PINX1: variants seen among roughly 807,000 people sequenced by gnomAD.
PINX1 encodes PIN2 (TERF1) interacting telomerase inhibitor 1, also known as PIN2/TERF1-interacting telomerase inhibitor 1.
A neutral mutation model predicts 25.4 loss-of-function variants in PINX1; 34 were observed. That is an observed-to-expected ratio of 1.34 (90% CI 1.02 to 1.78). The LOEUF is 1.78. Among genes scored for constraint, PINX1 ranks in the 40% most tolerant of loss-of-function variants. PINX1 has a pLI of 0.00. For missense variants in PINX1, 592 were observed against 404.9 expected (o/e 1.46, Z -3.97); for synonymous variants, 197 against 147.7 (o/e 1.33, Z -2.42).
chr8:10,834,222 G>A (rs960162466), intron 2 of PINX1: 3 of 156,002 alleles, frequency 1.9e-5, no homozygotes, highest in Admixed American at 1.9e-4. Context: ...ATAGCACTGT[G>A]GAGGCCAAGA....
chr8:10,789,800 C>G (rs926652642), intron 6 of PINX1, among the ~76,000 whole-genome samples: 6 of 152,194 alleles, frequency 3.9e-5, no homozygotes, highest in African/African-American at 1.4e-4. Context: ...ACACACACCT[C>G]CACGTGCCCA....
intron 6 of PINX1, among the ~76,000 whole-genome samples, chr8:10,768,722 A>T (rs1801134689): frequency 6.6e-6 from 1 of 152,096 alleles, no homozygotes. Context: ...TGAAAATCTG[A>T]CTCCTGCAGG....
At chr8:10,794,095 C>T (rs1206229566) in intron 6 of PINX1, among the ~76,000 whole-genome samples, 1 of 152,118 alleles carries the variant, frequency 6.6e-6, no homozygotes, top group Non-Finnish European at 1.5e-5. Context: ...AAGCAGGTGT[C>T]GTCACCAGAA....
At chr8:10,823,297 A>G (rs1371853660) in intron 5 of PINX1, among the ~76,000 whole-genome samples, 4 of 24,208 alleles carry the variant, frequency 1.7e-4, no homozygotes, top group Non-Finnish European at 3.5e-4. Flanking sequence ...CAAACTCTCA[A>G]AAGGATTAAG....
At chr8:10,826,579 T>C (rs1010970934) in intron 4 of PINX1, among the ~76,000 whole-genome samples, 6 of 152,116 alleles carry the variant, frequency 3.9e-5, no homozygotes, top group East Asian at 3.8e-4. Flanking sequence ...CATAGCAAAA[T>C]ACCAAAAATC....
Position 10,765,160 on chromosome 8 carries a change from CAG to C in PINX1, c.*239_*240del. The C allele has an allele frequency of 1.9e-6, 1 of 513,792 alleles. No individual in the cohort carries two copies. The highest frequency in any genetic ancestry group is 3.4e-5 in the South Asian group (1 of 29,410). 31.8% of individuals were successfully genotyped at this position (513,792 alleles called of 1,614,324 possible). A position where few individuals can be genotyped will look rare whatever the true frequency, so the allele number is the denominator to read the frequency against. ...AATTAAACTCTCTTGCTGAAGGGCTCAGAGTTTACAAAAAAATTTATTTGTGT... is the reference window on the plus strand; with the variant it reads ...AATTAAACTCTCTTGCTGAAGGGCTCAGTTTACAAAAAAATTTATTTGTGT... On this transcript the variant is annotated 3_prime_UTR_variant, in exon 7 of 7. Coordinates refer to ENST00000314787, the MANE Select transcript of PINX1 (RefSeq NM_017884.6).
Position 10,831,678 on chromosome 8 carries a change from C to T in PINX1, c.288G>A (p.Gly96=). The part of the protein sequence containing the change: ...QLLAELNTCH[G]QETTDSSDKK... ...TGATTTCCCTACCTGTGGTTTCCTGCCCATGGCAAGTGTTCAGTTCGGCCA... is the reference window on the plus strand; with the variant it reads ...TGATTTCCCTACCTGTGGTTTCCTGTCCATGGCAAGTGTTCAGTTCGGCCA... The change falls in exon 4 of 7, where the codon GGG becomes GGA. Residue 96 remains glycine, a synonymous_variant. Coordinates refer to ENST00000314787, the MANE Select transcript of PINX1 (RefSeq NM_017884.6). 1.3e-6 allele frequency: 2 copies of T among 1,599,020 alleles called. No homozygotes were observed. The highest frequency in any genetic ancestry group is 1.7e-6 in the Non-Finnish European group (2 of 1,169,652).
In PINX1 at chr8:10,839,643, G is replaced by C. The variant is rs1217245214; in HGVS notation, c.19+95C>G. Reference sequence around the variant, plus strand: ...CCCGATCCCATGCGCCAGGCGCGCCGGCAACCCGAGCTCCCAGCCACTCCG... The same window carrying C: ...CCCGATCCCATGCGCCAGGCGCGCCCGCAACCCGAGCTCCCAGCCACTCCG... On this transcript the variant is annotated intron_variant, in intron 1 of 6. Coordinates refer to ENST00000314787, the MANE Select transcript of PINX1 (RefSeq NM_017884.6). 4 of 1,316,190 alleles carry C rather than the reference G, an allele frequency of 3.0e-6. No individual in the cohort carries two copies. In the East Asian group the frequency reaches 7.6e-5, roughly 25 times the overall value. The allele number at this position is 1,316,190 out of a possible 1,614,324, so 81.5% of individuals were successfully genotyped here. A position where few individuals can be genotyped will look rare whatever the true frequency, so the allele number is the denominator to read the frequency against.
chr8:10,819,304 A>G (rs1797794491), intron 6 of PINX1, among the ~76,000 whole-genome samples: 1 of 152,218 alleles, frequency 6.6e-6, no homozygotes, highest in Non-Finnish European at 1.5e-5. Flanking sequence ...GATTTCTGTC[A>G]GTCTGGAAAA....
At chr8:10,797,773 T>C (rs928669714) in intron 6 of PINX1, among the ~76,000 whole-genome samples, 26 of 152,206 alleles carry the variant, frequency 1.7e-4, no homozygotes, top group African/African-American at 6.0e-4. Context: ...GTCACAGAGA[T>C]GTATTAACTC....
chr8:10,821,330 A>C (rs11782490), intron 5 of PINX1, among the ~76,000 whole-genome samples: 18,252 of 152,216 alleles, frequency 0.12, 1,773 homozygotes, highest in African/African-American at 0.27. Context: ...AATTAAAAAA[A>C]CAAAACACTC....
At chr8:10,837,667 T>G (rs751928699) in intron 1 of PINX1, among the ~76,000 whole-genome samples, 4 of 152,078 alleles carry the variant, frequency 2.6e-5, no homozygotes, top group Non-Finnish European at 5.9e-5. Context: ...TAACTGTAAA[T>G]GGGTCTGTCG....
intron 6 of PINX1, among the ~76,000 whole-genome samples, chr8:10,813,053 T>C (rs184006239): frequency 6.6e-6 from 1 of 152,374 alleles, no homozygotes; most frequent in Non-Finnish European, 1.5e-5. Context: ...TCATTTTGAA[T>C]CAGGATTCTG....
intron 6 of PINX1, among the ~76,000 whole-genome samples, chr8:10,779,604 T>A (rs921741075): frequency 6.6e-6 from 1 of 152,204 alleles, no homozygotes. Context: ...ATTGTGTGTA[T>A]AATGGGAAAT....
intron 6 of PINX1, among the ~76,000 whole-genome samples, chr8:10,808,916 G>C (rs1481077522): frequency 6.6e-6 from 1 of 152,166 alleles, no homozygotes; most frequent in Non-Finnish European, 1.5e-5. Context: ...AAAAAAAACT[G>C]CAGTCACACA....
intron 6 of PINX1, among the ~76,000 whole-genome samples, chr8:10,817,403 G>A (rs1236939573): frequency 6.6e-6 from 1 of 152,152 alleles, no homozygotes; most frequent in Non-Finnish European, 1.5e-5. Context: ...TTGACTATAA[G>A]GGCTGTTGTA....
intron 6 of PINX1, among the ~76,000 whole-genome samples, chr8:10,812,701 C>T (rs1347197411): frequency 6.6e-6 from 1 of 152,206 alleles, no homozygotes; most frequent in African/African-American, 2.4e-5. Flanking sequence ...TCCTTGAAAA[C>T]ATGACACCCA....
intron 4 of PINX1, among the ~76,000 whole-genome samples, chr8:10,826,694 C>A (rs532349496): frequency 6.6e-6 from 1 of 152,282 alleles, no homozygotes; most frequent in South Asian, 2.1e-4. Context: ...GCCGCTGCCA[C>A]CGCAATGGCC....
intron 6 of PINX1, among the ~76,000 whole-genome samples, chr8:10,800,528 G>T (rs1356999830): frequency 6.6e-6 from 1 of 150,576 alleles, no homozygotes; most frequent in African/African-American, 2.5e-5. Context: ...GGAGTGCAGT[G>T]GCGTGATCTC....
Sources: allele counts gnomAD v4.1 joint callset (sites outside exome capture counted in the v4.1 genomes callset), GRCh38; gene constraint gnomAD v4.1.1; transcripts MANE v1.5; gene names NCBI Gene and HGNC (gene_info 2026-07-23, HGNC 2026-07-21).